THADA: variants seen among roughly 807,000 people sequenced by gnomAD.
THADA encodes the protein tRNA (32-2'-O)-methyltransferase regulator THADA.
THADA carries 213 observed loss-of-function variants against 219.8 expected under a neutral mutation model. That is an observed-to-expected ratio of 0.97 (90% CI 0.87 to 1.09). The LOEUF (loss-of-function observed/expected upper bound fraction) is 1.09, where lower values mean the gene tolerates loss of function less well. THADA is among the 50% of genes least tolerant of loss of function. The pLI, the probability that THADA is intolerant of heterozygous loss-of-function variation, is 0.00. For missense variants in THADA, 2,956 were observed against 2,311.3 expected, an observed-to-expected ratio of 1.28 and a Z score of -5.72; for synonymous variants, 1,018 against 828.9, an observed-to-expected ratio of 1.23 and a Z score of -3.92.
intron 30 of THADA, among the ~76,000 whole-genome samples, chr2:43,329,062 T>G (rs931654163): frequency 6.6e-6 from 1 of 152,172 alleles, no homozygotes; most frequent in African/African-American, 2.4e-5. Context: ...CTGGGGAAAC[T>G]GTTTTAGAGG....
chr2:43,240,034 C>T (rs928352463), intron 36 of THADA, among the ~76,000 whole-genome samples: 1 of 152,142 alleles, frequency 6.6e-6, no homozygotes, highest in Non-Finnish European at 1.5e-5. Flanking sequence ...ACGAAACAGT[C>T]GAAGACGGTG....
intron 16 of THADA, 24 bp from the exon 17 acceptor site, chr2:43,556,579 A>C (rs200909855): frequency 6.3e-7 from 1 of 1,593,832 alleles, no homozygotes; most frequent in Admixed American, 1.8e-5. Flanking sequence ...CAGACTCAGT[A>C]ACTGTCAAAT....
chr2:43,248,968 A>G (rs1669542393), intron 36 of THADA, among the ~76,000 whole-genome samples: 1 of 152,182 alleles, frequency 6.6e-6, no homozygotes, highest in Non-Finnish European at 1.5e-5. Flanking sequence ...CTGTATGCAC[A>G]GTAACCTGTC....
chr2:43,467,169 G>A (rs953733804), intron 26 of THADA, among the ~76,000 whole-genome samples: 37 of 98,004 alleles, frequency 3.8e-4, no homozygotes, highest in Admixed American at 2.2e-3. Context: ...GCGACAGAGC[G>A]AGACTCCGTC....
At chr2:43,243,529 T>C (rs545839285) in intron 36 of THADA, among the ~76,000 whole-genome samples, 1 of 152,158 alleles carries the variant, frequency 6.6e-6, no homozygotes, top group Admixed American at 6.5e-5. Context: ...AGTACGCCGG[T>C]CTCTATTTGG....
chr2:43,264,706 G>A (rs1272163347), intron 36 of THADA, among the ~76,000 whole-genome samples: 4 of 152,208 alleles, frequency 2.6e-5, no homozygotes, highest in Admixed American at 2.6e-4. Flanking sequence ...CTCTGGATTG[G>A]GAGAAAAGAA....
chr2:43,437,733 C>T (rs1573643947), intron 26 of THADA, among the ~76,000 whole-genome samples: 1 of 152,056 alleles, frequency 6.6e-6, no homozygotes, highest in Admixed American at 6.5e-5. Flanking sequence ...GGACTCTATT[C>T]AAGGATGTTT....
intron 31 of THADA, among the ~76,000 whole-genome samples, chr2:43,311,940 T>C (rs1419690679): frequency 2.6e-5 from 4 of 152,222 alleles, no homozygotes; most frequent in Non-Finnish European, 5.9e-5. Context: ...GGCTCATGCC[T>C]GTAATCCCAG....
chr2:43,538,098 G>A (rs1458658489), intron 21 of THADA, among the ~76,000 whole-genome samples: 2 of 152,130 alleles, frequency 1.3e-5, no homozygotes, highest in African/African-American at 2.4e-5. Flanking sequence ...GAATATTAGG[G>A]AAATACATAT....
Position 43,344,101 on chromosome 2 carries a change from T to C in THADA, c.4343+21A>G, listed in dbSNP as rs777521138. ...TTCCTAACCCCTGATAACTCCTTGC[T>C]CATGTGGGATTTTAACATACCTCTT... On this transcript the variant is annotated intron_variant, in intron 30 of 37. Transcript: ENST00000405975. 3.5e-5 allele frequency: 54 copies of C among 1,545,718 alleles called. No individual in the cohort carries two copies. In the Admixed American group the frequency reaches 5.5e-4, roughly 16 times the overall value.
intron 29 of THADA, 57 bp from the exon 30 acceptor site, chr2:43,344,294 C>T (rs1343645337): frequency 8.2e-7 from 1 of 1,219,508 alleles, no homozygotes; most frequent in Non-Finnish European, 1.2e-6. Flanking sequence ...CCTAAATGCT[C>T]AGTTCCTCCC....
At chr2:43,245,041 C>T (rs928245919) in intron 36 of THADA, among the ~76,000 whole-genome samples, 2 of 152,312 alleles carry the variant, frequency 1.3e-5, no homozygotes, top group South Asian at 4.1e-4. Flanking sequence ...GCAGAGTTCA[C>T]CAGCTCTGAG....
intron 36 of THADA, among the ~76,000 whole-genome samples, chr2:43,255,892 A>G (rs1670256511): frequency 6.6e-6 from 1 of 152,190 alleles, no homozygotes; most frequent in African/African-American, 2.4e-5. Context: ...TTGGGCAACT[A>G]CAGCCATTTG....
chr2:43,557,215 T>C (rs746806251), intron 16 of THADA, among the ~76,000 whole-genome samples: 15 of 152,390 alleles, frequency 9.8e-5, no homozygotes, highest in Non-Finnish European at 1.9e-4. Flanking sequence ...TGATTATTAA[T>C]CAGCTGGAAA....
At chr2:43,285,461 A>ATAATTGT (rs1673880390) in intron 35 of THADA, among the ~76,000 whole-genome samples, 1 of 152,108 alleles carries the variant, frequency 6.6e-6, no homozygotes, top group Non-Finnish European at 1.5e-5. Context: ...ACCTTCTGCC[A>ATAATTGT]TAATTGTTAA....
intron 36 of THADA, among the ~76,000 whole-genome samples, chr2:43,256,612 A>AC (rs5830756): frequency 0.094 from 13,824 of 146,884 alleles, 766 homozygotes; most frequent in Admixed American, 0.13. Flanking sequence ...TAAATAAATA[A>AC]TTTTTTTTTT....
intron 17 of THADA, among the ~76,000 whole-genome samples, chr2:43,553,968 T>A (rs1311915780): frequency 6.6e-6 from 1 of 152,362 alleles, no homozygotes. Flanking sequence ...AATGTGGTTA[T>A]GTCCTTTTAT....
chr2:43,434,083 C>T (rs1679756449), intron 26 of THADA, among the ~76,000 whole-genome samples: 1 of 152,164 alleles, frequency 6.6e-6, no homozygotes, highest in South Asian at 2.1e-4. Context: ...TTGGAGGACT[C>T]ACCCAGATAG....
At chr2:43,589,916 G>T (rs1051631026) in intron 4 of THADA, among the ~76,000 whole-genome samples, 1 of 151,984 alleles carries the variant, frequency 6.6e-6, no homozygotes, top group African/African-American at 2.4e-5. Flanking sequence ...CTACAATTAG[G>T]ATTTTATGAC....
Sources: allele counts gnomAD v4.1 joint callset (sites outside exome capture counted in the v4.1 genomes callset), GRCh38; gene constraint gnomAD v4.1.1; transcripts MANE v1.5; gene names NCBI Gene and HGNC (gene_info 2026-07-23, HGNC 2026-07-21).